Variants in FAM3D observed in about 807,000 individuals in gnomAD.
FAM3D encodes protein FAM3D.
In FAM3D, 26 loss-of-function variants were observed where a neutral mutation model predicts 29.8. The ratio of observed to expected loss-of-function variants is 0.87; its 90% confidence interval spans 0.64 to 1.21. The LOEUF is 1.21. Among genes scored for constraint, FAM3D ranks in the 50% most tolerant of loss-of-function variants. FAM3D has a pLI of 0.00. For missense variants in FAM3D, 253 were observed against 290.9 expected, an observed-to-expected ratio of 0.87 and a Z score of 0.95; for synonymous variants, 115 against 102.3, an observed-to-expected ratio of 1.12 and a Z score of -0.75.
At chr3:58,650,781 G>T (rs1575483959) in intron 3 of FAM3D, among the ~76,000 whole-genome samples, 1 of 152,150 alleles carries the variant, frequency 6.6e-6, no homozygotes, top group East Asian at 1.9e-4. Context: ...GCAGTGGCGC[G>T]ATCTCGGCTC....
At chr3:58,650,728 A>T (rs975694708) in intron 3 of FAM3D, among the ~76,000 whole-genome samples, 2 of 151,946 alleles carry the variant, frequency 1.3e-5, no homozygotes, top group South Asian at 4.2e-4. Flanking sequence ...TTTTATTTTT[A>T]TTTTTTTGAG....
intron 4 of FAM3D, among the ~76,000 whole-genome samples, chr3:58,647,422 T>C (rs531951479): frequency 1.3e-5 from 2 of 152,264 alleles, no homozygotes; most frequent in South Asian, 2.1e-4. Flanking sequence ...AGCCAGGGCA[T>C]GGCTCCTGGT....
intron 1 of FAM3D, among the ~76,000 whole-genome samples, chr3:58,665,519 T>C (rs749666767): frequency 2.0e-5 from 3 of 152,200 alleles, no homozygotes; most frequent in Admixed American, 6.5e-5. Context: ...GTTAGAACCA[T>C]GTATGATACC....
chr3:58,652,230 A>T (rs1170411816), intron 3 of FAM3D, among the ~76,000 whole-genome samples: 1 of 152,224 alleles, frequency 6.6e-6, no homozygotes, highest in Non-Finnish European at 1.5e-5. Flanking sequence ...CTGTTTTCTC[A>T]GAACACATGT....
chr3:58,651,367 C>T (rs1314264626), intron 3 of FAM3D, among the ~76,000 whole-genome samples: 5 of 152,184 alleles, frequency 3.3e-5, no homozygotes, highest in African/African-American at 1.2e-4. Flanking sequence ...GAAAATTACT[C>T]CCTTCAGTGC....
rs1205101494 is a variant in FAM3D at position 58,640,195 on chromosome 3, A to C, written c.323-18T>G. The C allele has an allele frequency of 1.2e-6, 2 of 1,613,696 alleles. No individual in the cohort carries two copies. Among genetic ancestry groups the C allele is most frequent in the South Asian group, 2.2e-5 (2 of 91,068 alleles). ...CGTGGTTCCTAGGGGTTAAGAGGAG[A>C]ACGATTATCCCCTGTAACACGTGTC... On this transcript the variant is annotated intron_variant, in intron 6 of 9. Transcript: ENST00000358781.
chr3:58,645,693 A>T (rs1575478422), intron 4 of FAM3D, 67 bp from the exon 5 acceptor site: 3 of 1,302,924 alleles, frequency 2.3e-6, no homozygotes, highest in Non-Finnish European at 3.3e-6. Flanking sequence ...GAAGGAGGGG[A>T]GGGCCAGGGC....
chr3:58,658,405 A>G (rs544681958), intron 1 of FAM3D, among the ~76,000 whole-genome samples: 2 of 152,344 alleles, frequency 1.3e-5, no homozygotes, highest in East Asian at 3.9e-4. Flanking sequence ...TTTCCAAAGC[A>G]TTCCCTGAGC....
chr3:58,645,386 A>C (rs1031900106), intron 5 of FAM3D, 123 bp downstream of exon 5: 9 of 626,180 alleles, frequency 1.4e-5, no homozygotes, highest in Admixed American at 1.3e-4. Flanking sequence ...ACACACCCAG[A>C]GTGAAAGGGA....
At chr3:58,647,769 ACCC>A (rs1051641868) in intron 4 of FAM3D, among the ~76,000 whole-genome samples, 2 of 151,872 alleles carry the variant, frequency 1.3e-5, no homozygotes. Flanking sequence ...CTGAGGCCCA[ACCC>A]CCCCGGGAAC....
intron 3 of FAM3D, among the ~76,000 whole-genome samples, chr3:58,650,133 G>A (rs2066593027): frequency 6.6e-6 from 1 of 152,180 alleles, no homozygotes; most frequent in Admixed American, 6.5e-5. Flanking sequence ...CTCCCACCAC[G>A]CCAGCAGTGA....
intron 1 of FAM3D, among the ~76,000 whole-genome samples, chr3:58,663,825 C>T (rs968838493): frequency 2.0e-5 from 3 of 152,182 alleles, no homozygotes; most frequent in Non-Finnish European, 4.4e-5. Flanking sequence ...CAGCCTCTCC[C>T]CGGCCCTGCT....
At position 58,651,530 on chromosome 3, in the gene FAM3D, G is replaced by C. The variant is rs562224273; in HGVS notation, c.121+2144C>G. On this transcript the variant is annotated intron_variant, in intron 3 of 9. Coordinates refer to ENST00000358781, the MANE Select transcript of FAM3D (RefSeq NM_138805.3). ...TTTCTTTCTCTGACTCAGACCATGAGCAGGGCCACATGTTCCTCATTGAGG... is the reference window on the plus strand; with the variant it reads ...TTTCTTTCTCTGACTCAGACCATGACCAGGGCCACATGTTCCTCATTGAGG... Among the ~76,000 whole-genome samples, 320 of 152,286 alleles carry C rather than the reference G, an allele frequency of 2.1e-3. 9 individuals carry two copies. In the South Asian group the frequency reaches 0.064, roughly 31 times the overall value.
At chr3:58,654,973 A>G (rs1407718453) in intron 2 of FAM3D, among the ~76,000 whole-genome samples, 1 of 152,202 alleles carries the variant, frequency 6.6e-6, no homozygotes, top group Non-Finnish European at 1.5e-5. Context: ...GGATACATTG[A>G]TTATTCCCAT....
intron 4 of FAM3D, among the ~76,000 whole-genome samples, chr3:58,648,473 AC>A (rs2066538876): frequency 6.6e-6 from 1 of 151,534 alleles, no homozygotes; most frequent in Non-Finnish European, 1.5e-5. Context: ...CTTCTGCCTC[AC>A]CACTTACAGC....
rs528488379 is a variant in FAM3D at position 58,649,474 on chromosome 3, T to G, written c.122-136A>C. 6 of 939,706 alleles carry G rather than the reference T, an allele frequency of 6.4e-6. No homozygotes were observed. In the South Asian group the frequency reaches 7.6e-5, roughly 12 times the overall value. The allele number at this position is 939,706 out of a possible 1,614,324, so 58.2% of individuals were successfully genotyped here. A position where few individuals can be genotyped will look rare whatever the true frequency, so the allele number is the denominator to read the frequency against. On this transcript the variant is annotated intron_variant, in intron 3 of 9. Coordinates refer to ENST00000358781, the MANE Select transcript of FAM3D (RefSeq NM_138805.3). ...CCATTGAAATGAACTAAAAATGCCT[T>G]GCCACTGTCACCCCTTCACACACAT...
At chr3:58,637,878 G>GATTATTATT (rs9311680) in intron 7 of FAM3D, among the ~76,000 whole-genome samples, 5,138 of 148,334 alleles carry the variant, frequency 0.035, 245 homozygotes, top group East Asian at 0.22. Context: ...TTTCCCTTGT[G>GATTATTATT]ATTATTATTA....
intron 1 of FAM3D, among the ~76,000 whole-genome samples, chr3:58,658,559 A>G (rs115708042): frequency 1.4e-3 from 213 of 152,282 alleles, no homozygotes; most frequent in African/African-American, 4.9e-3. Flanking sequence ...GGAATCCTTC[A>G]GGTCTCATTG....
At chr3:58,655,210 G>C (rs1225231178) in intron 2 of FAM3D, among the ~76,000 whole-genome samples, 2 of 152,126 alleles carry the variant, frequency 1.3e-5, no homozygotes, top group African/African-American at 4.8e-5. Flanking sequence ...TGGACTAGAA[G>C]GCCTTTGCCT....
Sources: gnomAD v4.1 joint callset for allele counts (sites outside exome capture counted in the v4.1 genomes callset) on GRCh38, gnomAD v4.1.1 for gene constraint, MANE v1.5 for transcripts, NCBI Gene and HGNC (gene_info 2026-07-23, HGNC 2026-07-21) for gene names.